MTRR: variants seen among roughly 807,000 people sequenced by gnomAD.
The protein encoded by MTRR is methionine synthase reductase.
Under a neutral mutation model 79.2 loss-of-function variants are expected in MTRR, and 63 were observed. The observed-to-expected ratio is 0.80, with a 90% CI of 0.65 to 0.98. The LOEUF is 0.98. Ranked by LOEUF, MTRR falls within the 50% of genes least tolerant of loss-of-function variation. The pLI, the probability that MTRR is intolerant of heterozygous loss-of-function variation, is 0.00. For missense variants in MTRR, 895 were observed against 839.6 expected, an observed-to-expected ratio of 1.07 and a Z score of -0.82; for synonymous variants, 355 against 313.3, an observed-to-expected ratio of 1.13 and a Z score of -1.41.
rs778650591 is a variant in MTRR at position 7,897,124 on chromosome 5, C to T, written c.1829C>T (p.Ser610Leu). The part of the protein sequence containing the change: ...GILTHLKVSF[S>L]RDAPVGEEEA... ...TTAACTCATCTAAAGGTTTCCTTCT[C>T]AAGAGATGCTCCTGTTGGGGAGGAG... The change falls in exon 14 of 15, where the codon TCA (serine) becomes TTA (leucine). Residue 610 changes from serine (S) to leucine (L), a missense_variant. Physicochemically the swap from Ser to Leu is moderately radical, Grantham distance 145 (BLOSUM62 -2). Transcript: ENST00000440940. The T allele has an allele frequency of 1.2e-6, 2 of 1,614,028 alleles. No individual in the cohort carries two copies. Among genetic ancestry groups the T allele is most frequent in the Non-Finnish European group, 1.7e-6 (2 of 1,180,038 alleles).
intron 5 of MTRR, among the ~76,000 whole-genome samples, chr5:7,881,899 A>G (rs1735657389): frequency 6.6e-6 from 1 of 151,838 alleles, no homozygotes; most frequent in Non-Finnish European, 1.5e-5. Context: ...CCTGCTACTT[A>G]CGGTTGCATT....
rs79735541 is a variant in MTRR at position 7,891,483 on chromosome 5, A to C, written c.1370+69A>C. The C allele has an allele frequency of 0.018, 23,437 of 1,303,428 alleles. 261 individuals carry two copies. The highest frequency in any genetic ancestry group is 0.022 in the Non-Finnish European group (19,777 of 900,510). The allele number at this position is 1,303,428 out of a possible 1,614,324, so 80.7% of individuals were successfully genotyped here. On this transcript the variant is annotated intron_variant, in intron 10 of 14. Transcript: ENST00000440940. ...AATCTTAGACTCAGGCTTCCAGATC[A>C]TTAGAGTTTACTAATTTATTCAGTG...
In MTRR at chr5:7,878,387, AATT is replaced by A. The variant is rs1734948836; in HGVS notation, c.780+73_780+75del. The stretch of plus-strand genomic sequence containing the variant: ...CATGGATGTTTGCTTTGGGCTTTTA[AATT>A]ATTATTACATTAGAAGAGAGGTCAA... On this transcript the variant is annotated intron_variant, in intron 5 of 14. Coordinates refer to ENST00000440940, the MANE Select transcript of MTRR (RefSeq NM_002454.3). 1.9e-6 allele frequency: 3 copies of A among 1,586,578 alleles called. No individual in the cohort carries two copies. The East Asian group carries it at 6.7e-5, about 35-fold the overall frequency.
chr5:7,864,270 A>G (rs988964553), upstream of MTRR, among the ~76,000 whole-genome samples: 1 of 147,770 alleles, frequency 6.8e-6, no homozygotes, highest in Non-Finnish European at 1.5e-5. Context: ...CAACATGAAC[A>G]TAATAAGTAT....
chr5:7,870,027 T>G, intron 1 of MTRR: 1 of 985,460 alleles, frequency 1.0e-6, no homozygotes, highest in Non-Finnish European at 1.2e-6. Flanking sequence ...CCACCAATTT[T>G]AGCCGTTAGA....
chr5:7,890,270 C>T, intron 9 of MTRR: 1 of 985,194 alleles, frequency 1.0e-6, no homozygotes, highest in Non-Finnish European at 1.2e-6. Flanking sequence ...GTGTTTTTTC[C>T]ACTTAGGACC....
At chr5:7,896,582 T>C (rs1738557594) in intron 12 of MTRR, 2 of 491,436 alleles carry the variant, frequency 4.1e-6, no homozygotes, top group South Asian at 2.2e-5. Context: ...TGTTATTGAA[T>C]GTAGAGCTCT....
chr5:7,878,355 A>C, intron 5 of MTRR, 33 bp downstream of exon 5: 5 of 1,610,226 alleles, frequency 3.1e-6, no homozygotes, highest in Non-Finnish European at 4.2e-6. Flanking sequence ...TATAGATGCT[A>C]TTTAATCATG....
chr5:7,861,367 T>G, intron 1 of MTRR: 2 of 622,098 alleles, frequency 3.2e-6, no homozygotes, highest in Non-Finnish European at 5.1e-6. Context: ...GCTATTACTA[T>G]GTGCCAATAT....
At chr5:7,885,950 T>C (rs1319949331) in intron 7 of MTRR, 96 bp downstream of exon 7, 12 of 1,519,976 alleles carry the variant, frequency 7.9e-6, no homozygotes, top group Non-Finnish European at 1.0e-5. Context: ...TCCTGTGTGT[T>C]GGCCGCACAG....
At chr5:7,864,495 C>T (rs1020446587), upstream of MTRR, among the ~76,000 whole-genome samples, 3 of 152,014 alleles carry the variant, frequency 2.0e-5, no homozygotes, top group African/African-American at 2.4e-5. Flanking sequence ...GAGTACAAAT[C>T]GGGAAAATAT....
rs1238722351 is a variant in MTRR at position 7,878,245 on chromosome 5, C to T, written c.703C>T (p.Leu235Phe). The change falls in exon 5 of 15, where the codon CTC becomes TTC. Residue 235 changes from leucine to phenylalanine, a missense_variant. Coordinates refer to ENST00000440940, the MANE Select transcript of MTRR (RefSeq NM_002454.3). Reference protein sequence around the residue: ...ESSLTRSVPPLSQASLNIPGL... With the variant: ...ESSLTRSVPPFSQASLNIPGL... The stretch of plus-strand genomic sequence containing the variant: ...CTCACTTACCCGTTCGGTACCCCCA[C>T]TCTCACAAGCCTCTCTGAATATTCC... 7 of 1,614,106 alleles carry T rather than the reference C, an allele frequency of 4.3e-6. No homozygotes were observed. Among genetic ancestry groups the T allele is most frequent in the Non-Finnish European group, 5.9e-6 (7 of 1,180,044 alleles).
chr5:7,878,304 G>T lies in MTRR; in HGVS notation c.762G>T (p.Leu254=), dbSNP rs200210782. The T allele has an allele frequency of 6.2e-7, 1 of 1,614,232 alleles. No homozygotes were observed. ...GLPPEYLQVH[L]QESLGQEESQ... ...CCCCAGAATATTTACAGGTACATCT[G>T]CAGGAGTCTCTTGGCCAGGTAAGGA... Residue 254 remains leucine (L), a synonymous_variant, in exon 5 of 15, where the codon CTG becomes CTT. Coordinates refer to ENST00000440940, the MANE Select transcript of MTRR (RefSeq NM_002454.3).
chr5:7,866,041 A>G (rs879108403), upstream of MTRR: 7 of 1,254,564 alleles, frequency 5.6e-6, no homozygotes, highest in South Asian at 7.2e-5. Flanking sequence ...GTATGAGAGA[A>G]CATCATGAAC....
chr5:7,851,085 G>A (rs1358835008), upstream of MTRR: 9 of 1,233,208 alleles, frequency 7.3e-6, no homozygotes, highest in African/African-American at 1.6e-5. Flanking sequence ...GGGCCCAGTC[G>A]GAGTCTGCAG....
At chr5:7,892,584 A>G in intron 10 of MTRR, 143 bp from the exon 11 acceptor site, 1 of 902,512 alleles carries the variant, frequency 1.1e-6, no homozygotes, top group Non-Finnish European at 1.8e-6. Flanking sequence ...TAATTACGTA[A>G]TAATGGCTTT....
At chr5:7,884,275 C>T (rs1736052010) in intron 6 of MTRR, among the ~76,000 whole-genome samples, 1 of 152,128 alleles carries the variant, frequency 6.6e-6, no homozygotes, top group Admixed American at 6.5e-5. Flanking sequence ...TGGACTCTCC[C>T]AAAAAATGAT....
chr5:7,879,033 A>G (rs550117309), intron 5 of MTRR, among the ~76,000 whole-genome samples: 49 of 152,286 alleles, frequency 3.2e-4, no homozygotes, highest in African/African-American at 1.1e-3. Context: ...TCTTTCTTGT[A>G]TATTAGCACT....
intron 9 of MTRR, among the ~76,000 whole-genome samples, chr5:7,890,637 C>T (rs186947697): frequency 6.6e-6 from 1 of 152,078 alleles, no homozygotes; most frequent in Non-Finnish European, 1.5e-5. Flanking sequence ...AAGTTGAACA[C>T]CCTACTAAAC....
Sources: allele counts gnomAD v4.1 joint callset (sites outside exome capture counted in the v4.1 genomes callset), GRCh38; gene constraint gnomAD v4.1.1; transcripts MANE v1.5; gene names NCBI Gene and HGNC (gene_info 2026-07-23, HGNC 2026-07-21).